STK10: variants seen among roughly 807,000 people sequenced by gnomAD.
The protein encoded by STK10 is serine/threonine kinase 10, also known as serine/threonine-protein kinase 10.
A neutral mutation model predicts 113.8 loss-of-function variants in STK10; 78 were observed. The ratio of observed to expected loss-of-function variants is 0.69; its 90% CI spans 0.57 to 0.83. The LOEUF (loss-of-function observed/expected upper bound fraction) is 0.83. Ranked by LOEUF, STK10 falls within the 40% of genes least tolerant of loss-of-function variation. The pLI, the probability that STK10 is intolerant of heterozygous loss-of-function variation, is 0.00. For synonymous variants in STK10, 465 were observed against 494.7 expected (o/e 0.94, Z 0.80); for missense variants, 1,109 against 1,280.1 (o/e 0.87, Z 2.04).
intron 7 of STK10, among the ~76,000 whole-genome samples, chr5:172,102,464 C>T (rs11746193): frequency 0.096 from 14,551 of 152,108 alleles, 825 homozygotes; most frequent in Non-Finnish European, 0.12. Context: ...GGACGCGGGC[C>T]GAGGCATGGA....
chr5:172,092,767 G>C (rs576675080), intron 9 of STK10: 2 of 152,326 alleles, frequency 1.3e-5, no homozygotes, highest in South Asian at 2.1e-4. Flanking sequence ...GGCCAGGAAA[G>C]GAGTCAGCCC....
chr5:172,057,225 C>T (rs1767825275), intron 15 of STK10, 124 bp downstream of exon 15: 1 of 1,418,972 alleles, frequency 7.0e-7, no homozygotes, highest in South Asian at 1.3e-5. Flanking sequence ...CCAGCCCTGG[C>T]TCCTCTTGGG....
chr5:172,122,311 C>G (rs1769528299), intron 3 of STK10, among the ~76,000 whole-genome samples: 1 of 152,184 alleles, frequency 6.6e-6, no homozygotes, highest in Non-Finnish European at 1.5e-5. Context: ...AATCCATCCA[C>G]CATCCTCCAA....
rs1770184931 is a variant in STK10 at position 172,150,053 on chromosome 5, A to AAG, written c.321+6570_321+6571insCT. Among the ~76,000 whole-genome samples the AAG allele has an allele frequency of 3.4e-5, 5 of 148,792 alleles. No homozygotes were observed. In the South Asian group the frequency reaches 1.1e-3, roughly 31 times the overall value. The stretch of plus-strand genomic sequence containing the variant: ...CAAGAACAAAACTTTGTCTCAAAAA[A>AAG]AAAAAAAAAAAAAAGAAAGAAAGAC... On this transcript the variant is annotated intron_variant, in intron 2 of 18. Coordinates refer to ENST00000176763, the MANE Select transcript of STK10 (RefSeq NM_005990.4).
At chr5:172,046,270 GA>G (rs763606334) in intron 18 of STK10, among the ~76,000 whole-genome samples, 2 of 149,848 alleles carry the variant, frequency 1.3e-5, no homozygotes, top group Non-Finnish European at 3.0e-5. Flanking sequence ...TGAGGCAGGA[GA>G]ATCACTTGAG....
intron 1 of STK10, among the ~76,000 whole-genome samples, chr5:172,158,034 G>C (rs753861579): frequency 1.3e-5 from 2 of 152,118 alleles, no homozygotes; most frequent in Non-Finnish European, 2.9e-5. Context: ...ATGTCACCTA[G>C]GCAAAACAAG....
intron 2 of STK10, among the ~76,000 whole-genome samples, chr5:172,145,150 A>G (rs552182648): frequency 7.2e-4 from 109 of 152,188 alleles, no homozygotes; most frequent in African/African-American, 2.5e-3. Flanking sequence ...CTGCAGGGAC[A>G]TTTTTCATCC....
Position 172,156,717 on chromosome 5 carries a change from C to T in STK10, c.228G>A (p.Glu76=). 1 of 1,614,174 alleles carries T rather than the reference C, an allele frequency of 6.2e-7. No individual in the cohort carries two copies. Among genetic ancestry groups the T allele is most frequent in the Non-Finnish European group, 8.5e-7 (1 of 1,180,022 alleles). ...VIETKSEEEL[E]DYIVEIEILA... is the part of the protein sequence containing the mutation. ...GGATCTCAATCTCCACGATGTAGTCCTCCAGCTCCTCCTCACTCTTGGTTT... is the reference window on the plus strand; with the variant it reads ...GGATCTCAATCTCCACGATGTAGTCTTCCAGCTCCTCCTCACTCTTGGTTT... Residue 76 remains glutamate, a synonymous_variant, in exon 2 of 19, where the codon GAG becomes GAA. Coordinates refer to ENST00000176763, the MANE Select transcript of STK10 (RefSeq NM_005990.4).
intron 10 of STK10, among the ~76,000 whole-genome samples, chr5:172,085,206 C>T (rs1213830455): frequency 6.6e-6 from 1 of 151,812 alleles, no homozygotes; most frequent in Non-Finnish European, 1.5e-5. Flanking sequence ...GACTATGCCG[C>T]TTGCACTCCA....
intron 2 of STK10, among the ~76,000 whole-genome samples, chr5:172,135,563 G>A (rs1199328179): frequency 6.6e-6 from 1 of 152,010 alleles, no homozygotes; most frequent in African/African-American, 2.4e-5. Context: ...TGGAGAAATT[G>A]GAACCTTCAT....
At chr5:172,179,771 A>C (rs1235536653) in intron 1 of STK10, among the ~76,000 whole-genome samples, 1 of 152,192 alleles carries the variant, frequency 6.6e-6, no homozygotes, top group African/African-American at 2.4e-5. Flanking sequence ...CTCTTTCCGG[A>C]GGAGGAGGGG....
Position 172,083,807 on chromosome 5 carries a change from C to T in STK10, c.1686-723G>A, listed in dbSNP as rs1052178607. ...CCTGTACTCCCAGCTACTCAGGAGG[C>T]TGAGGCAGGAGAATCGCTTGAACCT... On this transcript the variant is annotated intron_variant, in intron 10 of 18. Transcript: ENST00000176763. Among the ~76,000 whole-genome samples, 4 of 151,720 alleles carry T rather than the reference C, an allele frequency of 2.6e-5. No homozygotes were observed. The East Asian group carries it at 5.8e-4, about 22-fold the overall frequency.
chr5:172,178,799 G>A (rs974734457), intron 1 of STK10, among the ~76,000 whole-genome samples: 13 of 152,284 alleles, frequency 8.5e-5, no homozygotes, highest in African/African-American at 2.9e-4. Flanking sequence ...ATAAAGGAAC[G>A]CTCGTCTGCA....
At chr5:172,183,692 A>G (rs1770902561) in intron 1 of STK10, among the ~76,000 whole-genome samples, 1 of 152,194 alleles carries the variant, frequency 6.6e-6, no homozygotes, top group African/African-American at 2.4e-5. Flanking sequence ...CCTGACGTCA[A>G]GTGATCCACC....
intron 2 of STK10, among the ~76,000 whole-genome samples, chr5:172,155,498 A>AAAAAAAAAC (rs1491558668): frequency 1.1e-5 from 1 of 93,990 alleles, no homozygotes; most frequent in East Asian, 3.7e-4. Flanking sequence ...ACTCCATCTC[A>AAAAAAAAAC]AAAAAAAAAA....
intron 3 of STK10, among the ~76,000 whole-genome samples, chr5:172,125,039 C>A (rs1769591762): frequency 6.6e-6 from 1 of 152,134 alleles, no homozygotes; most frequent in Admixed American, 6.5e-5. Flanking sequence ...AAATTTGACT[C>A]CCTGAAAGTG....
chr5:172,090,150 C>CCT lies in STK10; in HGVS notation c.1685+80_1685+81dup, dbSNP rs1768665521. ...CCACTTCATGCTGTAGACAGACAGC[C>CCT]CTCTCACCAAAGGACCAATGCCCAC... On this transcript the variant is annotated intron_variant, in intron 10 of 18. Transcript: ENST00000176763. 5.8e-6 allele frequency: 9 copies of CCT among 1,556,184 alleles called. 1 individual carries two copies. The highest frequency in any genetic ancestry group is 1.8e-5 in the Admixed American group (1 of 54,844).
chr5:172,150,521 C>T (rs1463283659), intron 2 of STK10, among the ~76,000 whole-genome samples: 1 of 151,984 alleles, frequency 6.6e-6, no homozygotes, highest in Non-Finnish European at 1.5e-5. Context: ...CTCAGGTCTC[C>T]TGATTCCAGC....
chr5:172,086,654 A>G (rs1436322347), intron 10 of STK10, among the ~76,000 whole-genome samples: 2 of 152,046 alleles, frequency 1.3e-5, no homozygotes, highest in Non-Finnish European at 2.9e-5. Context: ...ATTCTCCAAA[A>G]ACGCCAGGGG....
Sources: allele counts gnomAD v4.1 joint callset (sites outside exome capture counted in the v4.1 genomes callset), GRCh38; gene constraint gnomAD v4.1.1; transcripts MANE v1.5; gene names NCBI Gene and HGNC (gene_info 2026-07-23, HGNC 2026-07-21).